REEP3: variants seen among roughly 807,000 people sequenced by gnomAD.
REEP3 encodes the protein receptor accessory protein 3.
Under a neutral mutation model 41.3 loss-of-function variants are expected in REEP3, and 20 were observed. The ratio of observed to expected loss-of-function variants is 0.48; its 90% CI spans 0.34 to 0.70. The LOEUF is 0.70. Among genes scored for constraint, REEP3 ranks in the 30% least tolerant of loss-of-function variants. The probability of loss-of-function intolerance (pLI) is 0.01; values close to 1 mark genes in which losing one functional copy is unlikely to be tolerated. For missense variants in REEP3, 271 were observed against 308.8 expected (o/e 0.88, Z 0.92); for synonymous variants, 104 against 101.8 (o/e 1.02, Z -0.13).
intron 1 of REEP3, among the ~76,000 whole-genome samples, chr10:63,543,843 G>A (rs1293008766): frequency 2.0e-5 from 3 of 152,124 alleles, no homozygotes; most frequent in South Asian, 2.1e-4. Flanking sequence ...CTTACAAAAT[G>A]TGTACCGTGT....
At chr10:63,549,640 A>T (rs893543805) in intron 1 of REEP3, among the ~76,000 whole-genome samples, 3 of 152,250 alleles carry the variant, frequency 2.0e-5, no homozygotes, top group Non-Finnish European at 2.9e-5. Context: ...AGACTCGTAC[A>T]TGATACTACT....
chr10:63,546,590 A>T (rs1955580417), intron 1 of REEP3, among the ~76,000 whole-genome samples: 1 of 152,226 alleles, frequency 6.6e-6, no homozygotes, highest in Non-Finnish European at 1.5e-5. Context: ...TTAGTAGTGG[A>T]ATAAGTTACT....
intron 1 of REEP3, among the ~76,000 whole-genome samples, chr10:63,535,854 C>T (rs553414810): frequency 3.0e-4 from 45 of 152,260 alleles, no homozygotes; most frequent in Non-Finnish European, 5.7e-4. Context: ...AATGTATTAT[C>T]TGCCCAAGTG....
At chr10:63,584,101 T>C (rs1955980883) in intron 2 of REEP3, among the ~76,000 whole-genome samples, 1 of 152,222 alleles carries the variant, frequency 6.6e-6, no homozygotes, top group African/African-American at 2.4e-5. Flanking sequence ...AGTGCAATGT[T>C]GCGACAGAGG....
intron 2 of REEP3, among the ~76,000 whole-genome samples, chr10:63,569,113 C>T (rs936915550): frequency 1.3e-5 from 2 of 152,132 alleles, no homozygotes; most frequent in African/African-American, 2.4e-5. Context: ...CAACACTCTG[C>T]CCTACTGTGT....
chr10:63,609,451 CA>C (rs376009971), intron 5 of REEP3, among the ~76,000 whole-genome samples: 9,922 of 81,120 alleles, frequency 0.12, 473 homozygotes, highest in East Asian at 0.31. Context: ...GACTCTGTCT[CA>C]AAAAAAAAAA....
In REEP3 at chr10:63,521,691, C is replaced by T. The variant is rs983896187; in HGVS notation, c.32+114C>T. Reference sequence around the variant, plus strand: ...GGGCCTGGGCGGGGACGGGGTAGCCCGGCCTCGGGCCTGCCGAGGGTCTGG... The same window carrying T: ...GGGCCTGGGCGGGGACGGGGTAGCCTGGCCTCGGGCCTGCCGAGGGTCTGG... On this transcript the variant is annotated intron_variant, in intron 1 of 7. Transcript: ENST00000373758. The T allele has an allele frequency of 2.2e-5, 15 of 687,718 alleles. No homozygotes were observed. The African/African-American group carries it at 2.7e-4, about 12-fold the overall frequency. The allele number at this position is 687,718 out of a possible 1,614,324, so 42.6% of individuals were successfully genotyped here.
intron 2 of REEP3, among the ~76,000 whole-genome samples, chr10:63,574,024 T>C (rs938581830): frequency 6.6e-6 from 1 of 152,214 alleles, no homozygotes; most frequent in Non-Finnish European, 1.5e-5. Flanking sequence ...CAATTAGTTT[T>C]CCAAGGCTTA....
chr10:63,535,308 G>T (rs1955464585), intron 1 of REEP3, among the ~76,000 whole-genome samples: 1 of 151,876 alleles, frequency 6.6e-6, no homozygotes, highest in Admixed American at 6.6e-5. Flanking sequence ...CTAAAATACT[G>T]GAAGGAAAAG....
At chr10:63,594,702 C>T (rs1956097490) in intron 2 of REEP3, 76 bp from the exon 3 acceptor site, 1 of 833,908 alleles carries the variant, frequency 1.2e-6, no homozygotes, top group Non-Finnish European at 2.0e-6. Flanking sequence ...TCCAGAAATA[C>T]ATACATACAT....
Position 63,560,651 on chromosome 10 carries a change from G to A in REEP3, c.33-5687G>A, listed in dbSNP as rs535521275. Among the ~76,000 whole-genome samples the A allele has an allele frequency of 1.4e-3, 214 of 152,302 alleles. 2 individuals are homozygous for A. The highest frequency in any genetic ancestry group is 2.6e-4 in the Non-Finnish European group (18 of 68,022). On this transcript the variant is annotated intron_variant, in intron 1 of 7. Transcript: ENST00000373758. ...CTTTAGACGGAAATGAGGCAAAGAG[G>A]AAAGGTGTAACTATTTCTTCTTGTC...
At chr10:63,559,691 G>C (rs1955723036) in intron 1 of REEP3, among the ~76,000 whole-genome samples, 1 of 152,072 alleles carries the variant, frequency 6.6e-6, no homozygotes, top group East Asian at 1.9e-4. Context: ...CTGTAAAATT[G>C]GTTTTAAAAT....
chr10:63,610,414 G>T, intron 6 of REEP3, 80 bp downstream of exon 6: 1 of 1,371,434 alleles, frequency 7.3e-7, no homozygotes, highest in Non-Finnish European at 1.0e-6. Flanking sequence ...CCTGTCGGGG[G>T]GTGGGGCACA....
intron 2 of REEP3, among the ~76,000 whole-genome samples, chr10:63,576,172 G>C (rs938430387): frequency 3.3e-5 from 5 of 152,128 alleles, no homozygotes; most frequent in Admixed American, 6.6e-5. Flanking sequence ...ATAATGAAAA[G>C]CTGCCTGGAG....
intron 6 of REEP3, among the ~76,000 whole-genome samples, chr10:63,614,630 T>C (rs943121353): frequency 1.3e-5 from 2 of 152,216 alleles, no homozygotes; most frequent in East Asian, 1.9e-4. Context: ...GCAGAAGTCC[T>C]AGAAGCAGCA....
intron 1 of REEP3, among the ~76,000 whole-genome samples, chr10:63,534,745 T>C (rs1471309376): frequency 2.0e-5 from 3 of 152,232 alleles, no homozygotes; most frequent in Admixed American, 1.3e-4. Flanking sequence ...TATAGGATAG[T>C]AAGCCATTTT....
At chr10:63,565,886 C>CT (rs372856366) in intron 1 of REEP3, among the ~76,000 whole-genome samples, 19,393 of 136,986 alleles carry the variant, frequency 0.14, 3,254 homozygotes, top group African/African-American at 0.4. Flanking sequence ...TTTAAATCAT[C>CT]TTTTTTTTTT....
intron 2 of REEP3, among the ~76,000 whole-genome samples, chr10:63,588,790 A>T (rs549758606): frequency 6.6e-6 from 1 of 152,348 alleles, no homozygotes; most frequent in Admixed American, 6.5e-5. Context: ...TAGGATTTTG[A>T]TATTTTAAAG....
chr10:63,557,049 C>G (rs1023471109), intron 1 of REEP3, among the ~76,000 whole-genome samples: 1 of 152,094 alleles, frequency 6.6e-6, no homozygotes, highest in African/African-American at 2.4e-5. Flanking sequence ...TTCCATTGTC[C>G]TCCCAATAAA....
Sources: allele counts gnomAD v4.1 joint callset (sites outside exome capture counted in the v4.1 genomes callset), GRCh38; gene constraint gnomAD v4.1.1; transcripts MANE v1.5; gene names NCBI Gene and HGNC (gene_info 2026-07-23, HGNC 2026-07-21).